The following E2F6 variants were observed in gnomAD, a reference collection of about 807,000 sequenced individuals.
The protein encoded by E2F6 is transcription factor E2F6.
A neutral mutation model predicts 31.5 loss-of-function variants in E2F6; 19 were observed. The ratio of observed to expected loss-of-function variants is 0.60; its 90% CI spans 0.42 to 0.89. E2F6 has a LOEUF of 0.89. E2F6 is among the 40% of genes least tolerant of loss of function. E2F6 has a pLI of 0.00. For missense variants in E2F6, 269 were observed against 341.6 expected (o/e 0.79, Z 1.67); for synonymous variants, 121 against 127.7 (o/e 0.95, Z 0.36).
chr2:11,452,531 G>A (rs1000380248), intron 3 of E2F6, among the ~76,000 whole-genome samples: 2 of 151,912 alleles, frequency 1.3e-5, no homozygotes, highest in Non-Finnish European at 2.9e-5. Flanking sequence ...TTGAACCCAG[G>A]AGGTGGAGGT....
At chr2:11,460,317 A>C (rs568358035) in intron 1 of E2F6, among the ~76,000 whole-genome samples, 1 of 738 alleles carries the variant, frequency 1.4e-3, no homozygotes, top group African/African-American at 4.8e-3. Flanking sequence ...AATTTTCCTT[A>C]TTTTTCAATT....
intron 2 of E2F6, among the ~76,000 whole-genome samples, chr2:11,456,246 C>G (rs1671396862): frequency 6.6e-6 from 1 of 152,192 alleles, no homozygotes; most frequent in Non-Finnish European, 1.5e-5. Flanking sequence ...AAAAGAGCGT[C>G]ACTGAAGAAC....
At chr2:11,465,178 CAAAAAAAAA>C (rs59561027) in intron 1 of E2F6, among the ~76,000 whole-genome samples, 5 of 88,606 alleles carry the variant, frequency 5.6e-5, no homozygotes, top group African/African-American at 2.3e-4. Context: ...AACTCAATCT[CAAAAAAAAA>C]AAAAAAAAAG....
chr2:11,446,838 G>C (rs1398070801), intron 6 of E2F6, among the ~76,000 whole-genome samples: 1 of 152,194 alleles, frequency 6.6e-6, no homozygotes, highest in Non-Finnish European at 1.5e-5. Flanking sequence ...TCTTTGTGCT[G>C]TTGTCTGCAT....
At position 11,453,766 on chromosome 2, in the gene E2F6, C is replaced by T; in HGVS notation, c.196G>A (p.Val66Ile). Residue 66 changes from valine to isoleucine, a missense_variant, in exon 3 of 7, where the codon GTA (valine) becomes ATA (isoleucine). Coordinates refer to ENST00000381525, the MANE Select transcript of E2F6 (RefSeq NM_198256.4). Reference protein sequence around the residue: ...ALKVKRPRFDVSLVYLTRKFM... With the variant: ...ALKVKRPRFDISLVYLTRKFM... ...TTTCGAGTTAAATAAACCAGCGATA[C>T]ATCAAAACGAGGTCTCTTCACTTTT... 1 of 1,614,154 alleles carries T rather than the reference C, an allele frequency of 6.2e-7. No individual in the cohort carries two copies. Among genetic ancestry groups the T allele is most frequent in the Non-Finnish European group, 8.5e-7 (1 of 1,179,996 alleles).
At chr2:11,464,517 C>CAAAAA (rs559562627) in intron 1 of E2F6, among the ~76,000 whole-genome samples, 15 of 44,700 alleles carry the variant, frequency 3.4e-4, no homozygotes, top group African/African-American at 1.0e-3. Flanking sequence ...ACTTCGTCAC[C>CAAAAA]AAAAAAAAAA....
In E2F6 at chr2:11,446,514, G is replaced by C. The variant is rs760515748; in HGVS notation, c.809C>G (p.Pro270Arg). 6.2e-7 allele frequency: 1 copy of C among 1,613,062 alleles called. No homozygotes were observed. The highest frequency in any genetic ancestry group is 1.1e-5 in the South Asian group (1 of 90,950). Reference sequence around the variant, plus strand: ...TTCAAGCAATTCTTCACTTTGCTGAGGATTTTCTTCTGGAAAAGAACACGA... The same window carrying C: ...TTCAAGCAATTCTTCACTTTGCTGACGATTTTCTTCTGGAAAAGAACACGA... ...HPEGPEEEEN[P>R]QQSEELLEVS... is the part of the protein sequence containing the mutation. The change falls in exon 7 of 7, where the codon CCT becomes CGT. Residue 270 changes from proline (P) to arginine (R), a missense_variant. Physicochemically the swap from Pro to Arg is moderately radical, Grantham distance 103. Transcript: ENST00000381525.
chr2:11,455,402 C>T (rs1445669993), intron 2 of E2F6: 1 of 1,277,302 alleles, frequency 7.8e-7, no homozygotes. Context: ...TTAAAGACCA[C>T]TGGCGGTTAC....
chr2:11,463,533 G>C (rs1418134158), intron 1 of E2F6, among the ~76,000 whole-genome samples: 1 of 152,096 alleles, frequency 6.6e-6, no homozygotes, highest in Non-Finnish European at 1.5e-5. Flanking sequence ...GAATTTCATG[G>C]GATTTGGTGC....
At chr2:11,460,364 T>C (rs1000877150) in intron 1 of E2F6, among the ~76,000 whole-genome samples, 2 of 152,206 alleles carry the variant, frequency 1.3e-5, no homozygotes, top group African/African-American at 4.8e-5. Flanking sequence ...AATGCTATTT[T>C]CTCCCTTCTC....
rs778291470 is a variant in E2F6 at position 11,457,241 on chromosome 2, A to T, written c.109-8T>A. 17 of 1,508,852 alleles carry T rather than the reference A, an allele frequency of 1.1e-5. No individual in the cohort carries two copies. Among genetic ancestry groups the T allele is most frequent in the Non-Finnish European group, 1.8e-6 (2 of 1,088,576 alleles). The allele number at this position is 1,508,852 out of a possible 1,614,324, so 93.5% of individuals were successfully genotyped here. On this transcript the variant is annotated splice_region_variant and splice_polypyrimidine_tract_variant and intron_variant, in intron 1 of 6. Coordinates refer to ENST00000381525, the MANE Select transcript of E2F6 (RefSeq NM_198256.4). ...AATCCTTATTTTTGATGGCTGAAAA[A>T]AAAGATAAAAAATTTAACTTAGTGA...
chr2:11,450,420 A>G (rs184553671), intron 4 of E2F6, among the ~76,000 whole-genome samples: 282 of 152,318 alleles, frequency 1.9e-3, no homozygotes, highest in African/African-American at 6.6e-3. Flanking sequence ...AAATATTAAT[A>G]AAGTCTGAGT....
chr2:11,456,664 A>T (rs1671423597), intron 2 of E2F6, among the ~76,000 whole-genome samples: 1 of 152,240 alleles, frequency 6.6e-6, no homozygotes, highest in Non-Finnish European at 1.5e-5. Flanking sequence ...CAAGAAACAC[A>T]TCAAAGGTGA....
Position 11,465,799 on chromosome 2 carries a change from T to C in E2F6, c.81A>G (p.Arg27=). The C allele has an allele frequency of 6.2e-7, 1 of 1,600,940 alleles. No individual in the cohort carries two copies. The highest frequency in any genetic ancestry group is 8.5e-7 in the Non-Finnish European group (1 of 1,174,700). The change falls in exon 1 of 7, where the codon CGA becomes CGG. Residue 27 remains arginine, a synonymous_variant. Transcript: ENST00000381525. The stretch of plus-strand genomic sequence containing the variant: ...GCAGGCCCTCCACGTTGATGGGGTC[T>C]CGGCACCGACGGCGAACCGTCTCCT... The part of the protein sequence containing the change: ...PTEETVRRRC[R]DPINVEGLLP...
intron 2 of E2F6, chr2:11,455,444 A>G (rs1301421825): frequency 7.7e-7 from 1 of 1,295,358 alleles, no homozygotes; most frequent in East Asian, 5.6e-5. Flanking sequence ...TTCATAATAT[A>G]AATGTCTTCT....
chr2:11,465,546 T>C lies in E2F6; in HGVS notation c.108+226A>G, dbSNP rs527287626. On this transcript the variant is annotated intron_variant, in intron 1 of 6. Coordinates refer to ENST00000381525, the MANE Select transcript of E2F6 (RefSeq NM_198256.4). ...AAAGTTGAGCAATTTTCTCCAACAG[T>C]GCTCTGAAGTTCCGATGTAAAAGCC... Among the ~76,000 whole-genome samples the C allele has an allele frequency of 2.3e-4, 35 of 152,328 alleles. No individual in the cohort carries two copies. The East Asian group carries it at 6.4e-3, about 28-fold the overall frequency.
At chr2:11,457,262 A>T in intron 1 of E2F6, 29 bp from the exon 2 acceptor site, 1 of 1,388,842 alleles carries the variant, frequency 7.2e-7, no homozygotes, top group Non-Finnish European at 1.0e-6. Context: ...AATTTAACTT[A>T]GTGATTTTAA....
At chr2:11,454,520 C>T (rs1445309313) in intron 2 of E2F6, among the ~76,000 whole-genome samples, 2 of 151,962 alleles carry the variant, frequency 1.3e-5, no homozygotes, top group African/African-American at 4.8e-5. Context: ...AATTGTTTTG[C>T]ATTTTTAGTA....
chr2:11,459,682 G>A (rs2148357215), intron 1 of E2F6, among the ~76,000 whole-genome samples: 1 of 152,100 alleles, frequency 6.6e-6, no homozygotes, highest in South Asian at 2.1e-4. Context: ...AGGAGTTCAA[G>A]ACCAGCCTGG....
Sources: gnomAD v4.1 joint callset for allele counts (sites outside exome capture counted in the v4.1 genomes callset) on GRCh38, gnomAD v4.1.1 for gene constraint, MANE v1.5 for transcripts, NCBI Gene and HGNC (gene_info 2026-07-23, HGNC 2026-07-21) for gene names.